Variants in SNX9 observed in about 807,000 individuals in gnomAD.
SNX9 encodes sorting nexin-9.
Under a neutral mutation model 89.4 loss-of-function variants are expected in SNX9, and 44 were observed. That is an observed-to-expected ratio of 0.49 (90% CI 0.39 to 0.63). The LOEUF is 0.63. Ranked by LOEUF, SNX9 falls within the 30% of genes least tolerant of loss-of-function variation. The pLI, the probability that SNX9 is intolerant of heterozygous loss-of-function variation, is 0.00. For synonymous variants in SNX9, 236 were observed against 247.8 expected, an observed-to-expected ratio of 0.95 and a Z score of 0.45; for missense variants, 578 against 736.1, an observed-to-expected ratio of 0.79 and a Z score of 2.49.
At position 157,823,634 on chromosome 6, in the gene SNX9, T is replaced by C. The variant is rs1428163281; in HGVS notation, c.12+188T>C. 6.6e-6 allele frequency among the ~76,000 whole-genome samples: 1 copy of C among 151,644 alleles called. No homozygotes were observed. The highest frequency in any genetic ancestry group is 2.4e-5 in the African/African-American group (1 of 41,316). ...TTCTGGGCATGGGTGCGGCGGGCAG[T>C]GCAGACAGACCACCAGGATCGCACC... On this transcript the variant is annotated intron_variant, in intron 1 of 17. Coordinates refer to ENST00000392185, the MANE Select transcript of SNX9 (RefSeq NM_016224.5). This position sits in a 1 kb window ranked among gnomAD's most constrained non-coding sequence, Gnocchi z 4.6.
At chr6:157,871,145 G>A (rs1043195171) in intron 2 of SNX9, among the ~76,000 whole-genome samples, 2 of 152,012 alleles carry the variant, frequency 1.3e-5, no homozygotes, top group African/African-American at 4.8e-5. Flanking sequence ...TTTGGAGGCC[G>A]AGGCAGGGGG....
intron 1 of SNX9, among the ~76,000 whole-genome samples, chr6:157,860,641 G>A (rs1420077405): frequency 1.3e-5 from 2 of 152,180 alleles, no homozygotes; most frequent in Non-Finnish European, 2.9e-5. Flanking sequence ...ATCTGGGTGA[G>A]TGTGGGTAGA....
At chr6:157,879,503 T>C (rs1782584206) in intron 4 of SNX9, among the ~76,000 whole-genome samples, 1 of 152,268 alleles carries the variant, frequency 6.6e-6, no homozygotes, top group South Asian at 2.1e-4. Context: ...CTCTTCATTT[T>C]CTTATTCAAA....
chr6:157,867,677 TATTTTTA>T lies in SNX9; in HGVS notation c.99+46_99+52del, dbSNP rs1562599001. 8 of 1,437,640 alleles carry T rather than the reference TATTTTTA, an allele frequency of 5.6e-6. No homozygotes were observed. The South Asian group carries it at 7.8e-5, about 14-fold the overall frequency. The allele number at this position is 1,437,640 out of a possible 1,614,324, so 89.1% of individuals were successfully genotyped here. A position where few individuals can be genotyped will look rare whatever the true frequency, so the allele number is the denominator to read the frequency against. On this transcript the variant is annotated intron_variant, in intron 2 of 17. Coordinates refer to ENST00000392185, the MANE Select transcript of SNX9 (RefSeq NM_016224.5). The stretch of plus-strand genomic sequence containing the variant: ...CGAGTCTGATTGTCCCATGTGGACT[TATTTTTA>T]ACAAATCCGGTAAGAGAACTGTACA...
chr6:157,885,634 T>C (rs1244490992), intron 4 of SNX9, among the ~76,000 whole-genome samples: 2 of 152,338 alleles, frequency 1.3e-5, no homozygotes, highest in Non-Finnish European at 1.5e-5. Flanking sequence ...CGTGGCATGA[T>C]AGGCCAGATG....
At chr6:157,941,271 T>C (rs1429455428) in intron 17 of SNX9, among the ~76,000 whole-genome samples, 1 of 152,116 alleles carries the variant, frequency 6.6e-6, no homozygotes, top group Non-Finnish European at 1.5e-5. Flanking sequence ...TCTCTGTGCC[T>C]CTGTGCACCA....
rs1215398918 is a variant in SNX9 at position 157,826,781 on chromosome 6, T to TTTTATATA, written c.12+3336_12+3337insTTATATAT. ...TATATATATATGATATATAAATATATTATATTATATATATATATTATATTT... is the reference window on the plus strand; with the variant it reads ...TATATATATATGATATATAAATATATTTTATATATATATTATATATATATATTATATTT... On this transcript the variant is annotated intron_variant, in intron 1 of 17. Coordinates refer to ENST00000392185, the MANE Select transcript of SNX9 (RefSeq NM_016224.5). 2.2e-3 allele frequency among the ~76,000 whole-genome samples: 176 copies of TTTTATATA among 81,450 alleles called. 34 individuals are homozygous for TTTTATATA. Among genetic ancestry groups the TTTTATATA allele is most frequent in the African/African-American group, 9.1e-3 (170 of 18,640 alleles). The allele number at this position is 81,450 out of a possible 152,430, so 53.4% of individuals were successfully genotyped here. A position where few individuals can be genotyped will look rare whatever the true frequency, so the allele number is the denominator to read the frequency against.
intron 1 of SNX9, among the ~76,000 whole-genome samples, chr6:157,849,703 G>T (rs1337534163): frequency 6.6e-6 from 1 of 152,174 alleles, no homozygotes; most frequent in Non-Finnish European, 1.5e-5. Flanking sequence ...ATGAGAGGAG[G>T]AGTCAAGAGT....
Position 157,875,193 on chromosome 6 carries a change from CCTT to C in SNX9, c.300+20_300+22del. The C allele has an allele frequency of 1.9e-6, 3 of 1,600,254 alleles. No individual in the cohort carries two copies. Among genetic ancestry groups the C allele is most frequent in the South Asian group, 1.1e-5 (1 of 88,660 alleles). On this transcript the variant is annotated intron_variant, in intron 4 of 17. Coordinates refer to ENST00000392185, the MANE Select transcript of SNX9 (RefSeq NM_016224.5). ...AATCACCAGGTACGTCTCACTTCCT[CCTT>C]CTGGATGTGGCTGGCTTTACGGAAA...
intron 13 of SNX9, among the ~76,000 whole-genome samples, chr6:157,934,598 A>G (rs574427506): frequency 1.8e-4 from 27 of 152,352 alleles, no homozygotes; most frequent in Non-Finnish European, 3.4e-4. Flanking sequence ...CTAAACATGT[A>G]GTCAATATCA....
chr6:157,858,691 G>T (rs924627480), intron 1 of SNX9, among the ~76,000 whole-genome samples: 1 of 152,188 alleles, frequency 6.6e-6, no homozygotes, highest in African/African-American at 2.4e-5. Context: ...ATAAAGAAAA[G>T]AGATTTAATG....
In SNX9 at chr6:157,943,464, C is replaced by T. The variant is rs1483709507; in HGVS notation, c.*626C>T. 1.3e-5 allele frequency: 2 copies of T among 152,390 alleles called. No individual in the cohort carries two copies. Among genetic ancestry groups the T allele is most frequent in the Non-Finnish European group, 1.5e-5 (1 of 68,192 alleles). The allele number at this position is 152,390 out of a possible 1,614,324, so 9.4% of individuals were successfully genotyped here. A position where few individuals can be genotyped will look rare whatever the true frequency, so the allele number is the denominator to read the frequency against. On this transcript the variant is annotated 3_prime_UTR_variant, in exon 18 of 18. Coordinates refer to ENST00000392185, the MANE Select transcript of SNX9 (RefSeq NM_016224.5). Reference sequence around the variant, plus strand: ...CGTGGTGTGTGGCAGGTGGGCCATCCCATGTCCCTCCAGGGGGACCCCACA... The same window carrying T: ...CGTGGTGTGTGGCAGGTGGGCCATCTCATGTCCCTCCAGGGGGACCCCACA...
At chr6:157,846,834 G>A (rs1196711205) in intron 1 of SNX9, among the ~76,000 whole-genome samples, 1 of 152,112 alleles carries the variant, frequency 6.6e-6, no homozygotes, top group Non-Finnish European at 1.5e-5. Flanking sequence ...ATCACTTGAG[G>A]CCAGGAGTTT....
At chr6:157,878,858 G>A (rs571898360) in intron 4 of SNX9, among the ~76,000 whole-genome samples, 4 of 152,242 alleles carry the variant, frequency 2.6e-5, no homozygotes, top group African/African-American at 7.2e-5. Flanking sequence ...ATACACTCTT[G>A]CTAATCTGTA....
At chr6:157,855,003 A>C (rs1004503853) in intron 1 of SNX9, among the ~76,000 whole-genome samples, 1 of 150,276 alleles carries the variant, frequency 6.7e-6, no homozygotes, top group Non-Finnish European at 1.5e-5. Context: ...AAAAAACCCC[A>C]CTGAAAATTC....
intron 4 of SNX9, among the ~76,000 whole-genome samples, chr6:157,884,694 G>T (rs1235635269): frequency 1.3e-5 from 2 of 152,070 alleles, no homozygotes; most frequent in African/African-American, 4.8e-5. Context: ...CTTCAGAACT[G>T]CATGAGGCTG....
At chr6:157,901,194 A>G (rs891276098) in intron 5 of SNX9, among the ~76,000 whole-genome samples, 1 of 152,036 alleles carries the variant, frequency 6.6e-6, no homozygotes, top group Non-Finnish European at 1.5e-5. Context: ...TCTTTACACA[A>G]TCCTGCATGC....
At position 157,935,903 on chromosome 6, in the gene SNX9, T is replaced by G. The variant is rs16900518; in HGVS notation, c.1367-61T>G. 7,433 of 1,216,456 alleles carry G rather than the reference T, an allele frequency of 6.1e-3. 359 individuals are homozygous for G. In the African/African-American group the frequency reaches 0.1, roughly 17 times the overall value. The allele number at this position is 1,216,456 out of a possible 1,614,324, so 75.4% of individuals were successfully genotyped here. A position where few individuals can be genotyped will look rare whatever the true frequency, so the allele number is the denominator to read the frequency against. On this transcript the variant is annotated intron_variant, in intron 13 of 17. Coordinates refer to ENST00000392185, the MANE Select transcript of SNX9 (RefSeq NM_016224.5). ...TACCAATAAAATCAATAATAAAATT[T>G]TAACAAGTGAAAAGAAAATATGCAT...
At chr6:157,899,892 A>AGT (rs112378365) in intron 5 of SNX9, among the ~76,000 whole-genome samples, 6,954 of 151,792 alleles carry the variant, frequency 0.046, 197 homozygotes, top group East Asian at 0.11. Flanking sequence ...TGATTACCTA[A>AGT]GTGTGTGTGT....
Sources: allele counts gnomAD v4.1 joint callset (sites outside exome capture counted in the v4.1 genomes callset), GRCh38; gene constraint gnomAD v4.1.1; non-coding constraint Gnocchi (gnomAD v3.1); transcripts MANE v1.5; gene names NCBI Gene and HGNC (gene_info 2026-07-23, HGNC 2026-07-21).